Variants in PPARG observed in about 807,000 individuals in gnomAD.
PPARG encodes the protein peroxisome proliferator activated receptor gamma.
In PPARG, 17 loss-of-function variants were observed where a neutral mutation model predicts 39.2. That is an observed-to-expected ratio of 0.43 (90% CI 0.30 to 0.65). The LOEUF (loss-of-function observed/expected upper bound fraction) is 0.65. PPARG is among the 30% of genes least tolerant of loss of function. The pLI, the probability that PPARG is intolerant of heterozygous loss-of-function variation, is 0.13. For synonymous variants in PPARG, 223 were observed against 215.7 expected (o/e 1.03, Z -0.30); for missense variants, 406 against 585.9 (o/e 0.69, Z 3.17).
chr3:12,349,341 T>A (rs1325504332), intron 2 of PPARG, among the ~76,000 whole-genome samples: 1 of 152,224 alleles, frequency 6.6e-6, no homozygotes, highest in African/African-American at 2.4e-5. Context: ...TTTTCATTCA[T>A]TTGAATGTCC....
rs2049289965 is a variant in PPARG at position 12,373,399 on chromosome 3, A to G, written c.-8-6305A>G. Among the ~76,000 whole-genome samples the G allele has an allele frequency of 2.6e-5, 4 of 152,178 alleles. 1 individual carries two copies. The highest frequency in any genetic ancestry group is 2.6e-4 in the Admixed American group (4 of 15,268). ...CTTTGTCCTTTCAACTTAGAAAAAT[A>G]AGAAAACCATCTAGGACCACAACCT... On this transcript the variant is annotated intron_variant, in intron 2 of 7. Coordinates refer to ENST00000651735, the MANE Select transcript of PPARG (RefSeq NM_138711.6).
chr3:12,384,186 A>G (rs905402829), intron 4 of PPARG, among the ~76,000 whole-genome samples: 11 of 152,156 alleles, frequency 7.2e-5, no homozygotes, highest in African/African-American at 2.7e-4. Flanking sequence ...GTAATATACT[A>G]CTTAATATAA....
chr3:12,343,158 CCT>C (rs941146548), intron 2 of PPARG, among the ~76,000 whole-genome samples: 12 of 152,152 alleles, frequency 7.9e-5, no homozygotes, highest in Admixed American at 7.2e-4. Flanking sequence ...GCCTAGTAGC[CCT>C]TGGAAATTTC....
intron 2 of PPARG, among the ~76,000 whole-genome samples, chr3:12,320,546 G>A (rs1399433358): frequency 6.6e-6 from 1 of 152,138 alleles, no homozygotes; most frequent in Non-Finnish European, 1.5e-5. Flanking sequence ...AAGAAATATA[G>A]GCCAGACACA....
chr3:12,317,075 C>T (rs373699844), intron 2 of PPARG, among the ~76,000 whole-genome samples: 22 of 152,250 alleles, frequency 1.4e-4, no homozygotes, highest in Admixed American at 5.2e-4. Flanking sequence ...TAGGACACAA[C>T]GATCTTTATC....
At chr3:12,308,335 C>G (rs562386468) in intron 1 of PPARG, among the ~76,000 whole-genome samples, 1 of 110,402 alleles carries the variant, frequency 9.1e-6, no homozygotes, top group Non-Finnish European at 1.7e-5. Context: ...CAGAGCAAGA[C>G]CCTGTCTCAA....
rs745401369 is a variant in PPARG at position 12,293,855 on chromosome 3, G to A, written c.-83+4721G>A. ...TGTTCGAGTGCAATGATGAAGTTCC[G>A]GAAGGAACTTCCTAACCTTGACCAC... is the stretch of plus-strand genomic sequence containing the variant. On this transcript the variant is annotated intron_variant, in intron 1 of 7. Transcript: ENST00000651735. 5.9e-5 allele frequency among the ~76,000 whole-genome samples: 9 copies of A among 152,162 alleles called. No homozygotes were observed. In the South Asian group the frequency reaches 1.0e-3, roughly 18 times the overall value.
intron 1 of PPARG, among the ~76,000 whole-genome samples, chr3:12,303,734 A>G (rs1281200000): frequency 6.6e-6 from 1 of 152,262 alleles, no homozygotes; most frequent in Non-Finnish European, 1.5e-5. Context: ...ATGATTTGTG[A>G]GAAAGTGAGT....
intron 2 of PPARG, among the ~76,000 whole-genome samples, chr3:12,374,227 GT>G (rs2049324772): frequency 6.6e-6 from 1 of 152,184 alleles, no homozygotes; most frequent in Admixed American, 6.6e-5. Context: ...AATAGGTGGA[GT>G]ATGGGGTATG....
At chr3:12,359,149 A>G (rs760999694) in intron 2 of PPARG, among the ~76,000 whole-genome samples, 2 of 152,186 alleles carry the variant, frequency 1.3e-5, no homozygotes, top group Non-Finnish European at 2.9e-5. Flanking sequence ...TCACCTTGGT[A>G]AGCTTCTCAA....
chr3:12,343,320 C>T (rs1000714278), intron 2 of PPARG, among the ~76,000 whole-genome samples: 6 of 152,182 alleles, frequency 3.9e-5, no homozygotes, highest in Non-Finnish European at 7.3e-5. Context: ...CTTTCAGGCT[C>T]ATCTCAGATT....
chr3:12,384,610 T>C (rs2049805859), intron 4 of PPARG, among the ~76,000 whole-genome samples: 1 of 152,192 alleles, frequency 6.6e-6, no homozygotes, highest in Non-Finnish European at 1.5e-5. Flanking sequence ...TGAAACATTA[T>C]CATTTGGCTT....
At chr3:12,373,495 G>A (rs1371916272) in intron 2 of PPARG, among the ~76,000 whole-genome samples, 1 of 152,168 alleles carries the variant, frequency 6.6e-6, no homozygotes, top group Non-Finnish European at 1.5e-5. Flanking sequence ...GGCTTAAGTT[G>A]TATTTTATTG....
intron 1 of PPARG, among the ~76,000 whole-genome samples, chr3:12,302,619 T>A (rs1010951653): frequency 6.6e-6 from 1 of 151,530 alleles, no homozygotes; most frequent in Non-Finnish European, 1.5e-5. Flanking sequence ...AAGCATAGAG[T>A]TAAGGGAAGG....
At chr3:12,292,001 A>G (rs925930203) in intron 1 of PPARG, among the ~76,000 whole-genome samples, 1 of 152,228 alleles carries the variant, frequency 6.6e-6, no homozygotes, top group Non-Finnish European at 1.5e-5. Context: ...ATATTCTGAA[A>G]AGAACCTTCA....
chr3:12,371,746 C>T (rs988879475), intron 2 of PPARG: 15 of 517,856 alleles, frequency 2.9e-5, no homozygotes, highest in Non-Finnish European at 5.5e-5. Context: ...CCCGTCCAGT[C>T]AGCCTCTAGC....
chr3:12,351,445 C>T, intron 2 of PPARG: 1 of 694,186 alleles, frequency 1.4e-6, no homozygotes, highest in Non-Finnish European at 2.6e-6. Flanking sequence ...TCCCATCTCT[C>T]CCAAATATTT....
At chr3:12,313,233 A>G (rs1163426037) in intron 2 of PPARG, among the ~76,000 whole-genome samples, 1 of 151,138 alleles carries the variant, frequency 6.6e-6, no homozygotes, top group East Asian at 2.0e-4. Flanking sequence ...GAATCATCAG[A>G]TAGATAGATA....
In PPARG at chr3:12,310,814, A is replaced by C. The variant is rs200964060; in HGVS notation, c.-82-1566A>C. 8.5e-4 allele frequency among the ~76,000 whole-genome samples: 128 copies of C among 149,952 alleles called. 1 individual carries two copies. In the East Asian group the frequency reaches 0.019, roughly 22 times the overall value. ...TGTAAAAAAAAAAAAAAAAAAAAAA[A>C]AAAAAAAAAACCCAAGTGGTAATCT... is the stretch of plus-strand genomic sequence containing the variant. On this transcript the variant is annotated intron_variant, in intron 1 of 7. Coordinates refer to ENST00000651735, the MANE Select transcript of PPARG (RefSeq NM_138711.6).
Sources: allele counts gnomAD v4.1 joint callset (sites outside exome capture counted in the v4.1 genomes callset), GRCh38; gene constraint gnomAD v4.1.1; transcripts MANE v1.5; gene names NCBI Gene and HGNC (gene_info 2026-07-23, HGNC 2026-07-21).